The following SLC35F3 variants were observed in gnomAD, a reference collection of about 807,000 sequenced individuals.
The protein encoded by SLC35F3 is solute carrier family 35 member F3.
In SLC35F3, 25 loss-of-function variants were observed where a neutral mutation model predicts 49.9. That is an observed-to-expected ratio of 0.50 (90% CI 0.37 to 0.70). The LOEUF is 0.70. Among genes scored for constraint, SLC35F3 ranks in the 30% least tolerant of loss-of-function variants. The probability of loss-of-function intolerance (pLI) is 0.00; values close to 1 mark genes in which losing one functional copy is unlikely to be tolerated. For missense variants in SLC35F3, 525 were observed against 639.8 expected, an observed-to-expected ratio of 0.82 and a Z score of 1.94; for synonymous variants, 275 against 265.4, an observed-to-expected ratio of 1.04 and a Z score of -0.35.
At chr1:233,947,526 C>G (rs113509902) in intron 2 of SLC35F3, among the ~76,000 whole-genome samples, 5,417 of 150,716 alleles carry the variant, frequency 0.036, 296 homozygotes, top group African/African-American at 0.12. Flanking sequence ...AGTCTCAGTG[C>G]TTTGCATTGA....
intron 2 of SLC35F3, among the ~76,000 whole-genome samples, chr1:234,036,640 C>T (rs1282888247): frequency 1.4e-4 from 21 of 152,230 alleles, no homozygotes; most frequent in Admixed American, 1.1e-3. Context: ...CACAACTATT[C>T]AGCTCCAGTC....
At chr1:233,924,867 T>A (rs1366403756) in intron 2 of SLC35F3, among the ~76,000 whole-genome samples, 5 of 152,256 alleles carry the variant, frequency 3.3e-5, no homozygotes, top group Non-Finnish European at 7.3e-5. Flanking sequence ...AACATCTGTA[T>A]TTCTGCCTTC....
chr1:234,185,894 C>G (rs910256094), intron 2 of SLC35F3, among the ~76,000 whole-genome samples: 1 of 152,174 alleles, frequency 6.6e-6, no homozygotes, highest in African/African-American at 2.4e-5. Context: ...AAATTCTAAC[C>G]ATTTTTTTAT....
At chr1:234,148,309 G>A (rs1485257279) in intron 2 of SLC35F3, among the ~76,000 whole-genome samples, 1 of 152,164 alleles carries the variant, frequency 6.6e-6, no homozygotes, top group Non-Finnish European at 1.5e-5. Flanking sequence ...AGACTTTTCA[G>A]CCATTTCTCA....
chr1:233,946,910 A>G (rs1214550248), intron 2 of SLC35F3, among the ~76,000 whole-genome samples: 2 of 152,232 alleles, frequency 1.3e-5, no homozygotes, highest in African/African-American at 4.8e-5. Context: ...AATGTCACTC[A>G]TCCCTTCTGG....
intron 3 of SLC35F3, among the ~76,000 whole-genome samples, chr1:234,267,529 C>T (rs1278336885): frequency 8.1e-5 from 12 of 148,272 alleles, no homozygotes; most frequent in South Asian, 2.1e-4. Context: ...ACCTCCCTCC[C>T]GGACGGGGCG....
chr1:234,135,011 C>A (rs565485789), intron 2 of SLC35F3, among the ~76,000 whole-genome samples: 1 of 152,306 alleles, frequency 6.6e-6, no homozygotes, highest in South Asian at 2.1e-4. Context: ...TGAGCCACCA[C>A]GCCCAGCCAG....
intron 6 of SLC35F3, 125 bp from the exon 7 acceptor site, chr1:234,319,973 C>A: frequency 1.5e-6 from 1 of 676,310 alleles, no homozygotes; most frequent in South Asian, 1.7e-5. Flanking sequence ...TGAATCAGAG[C>A]AGAGGGTCAT....
intron 3 of SLC35F3, among the ~76,000 whole-genome samples, chr1:234,252,078 CT>C (rs766577247): frequency 4.4e-4 from 64 of 146,902 alleles, no homozygotes; most frequent in South Asian, 8.6e-4. Flanking sequence ...AATTAAACTA[CT>C]TTTTTTTTTT....
intron 2 of SLC35F3, among the ~76,000 whole-genome samples, chr1:234,169,937 T>C (rs900479386): frequency 3.9e-5 from 6 of 152,062 alleles, no homozygotes; most frequent in Non-Finnish European, 5.9e-5. Context: ...CAGGCAACTT[T>C]TTTGTATTTT....
At chr1:234,225,494 A>G (rs1026712408) in intron 2 of SLC35F3, among the ~76,000 whole-genome samples, 1 of 152,198 alleles carries the variant, frequency 6.6e-6, no homozygotes, top group Non-Finnish European at 1.5e-5. Flanking sequence ...CTGGAACTCT[A>G]GTTTCCAGAG....
chr1:234,128,900 G>C (rs1315202167), intron 2 of SLC35F3, among the ~76,000 whole-genome samples: 1 of 152,180 alleles, frequency 6.6e-6, no homozygotes, highest in Non-Finnish European at 1.5e-5. Context: ...AGGTAATTGA[G>C]CAAGTAAAAA....
Position 233,979,876 on chromosome 1 carries a change from G to A in SLC35F3, c.283+74118G>A, listed in dbSNP as rs190738256. On this transcript the variant is annotated intron_variant, in intron 2 of 7. Coordinates refer to ENST00000366618, the MANE Select transcript of SLC35F3 (RefSeq NM_173508.4). The stretch of plus-strand genomic sequence containing the variant: ...CGTCGTTTGATAGGTGAGGGAGCCC[G>A]TGGTCGTGATGGCATAAGTCTTGTC... 2.3e-3 allele frequency among the ~76,000 whole-genome samples: 344 copies of A among 152,298 alleles called. 1 individual carries two copies. Among genetic ancestry groups the A allele is most frequent in the Middle Eastern group, 0.017 (5 of 294 alleles).
chr1:234,232,274 G>C (rs1471058458), intron 3 of SLC35F3, among the ~76,000 whole-genome samples: 2 of 152,120 alleles, frequency 1.3e-5, no homozygotes, highest in Non-Finnish European at 2.9e-5. Context: ...GCAGTGTCTG[G>C]ACTTTGTTGA....
chr1:234,043,075 A>T (rs1361847432), intron 2 of SLC35F3, among the ~76,000 whole-genome samples: 2 of 152,200 alleles, frequency 1.3e-5, no homozygotes, highest in Non-Finnish European at 2.9e-5. Context: ...AAATGCAAAT[A>T]TTTTGTTGTA....
intron 2 of SLC35F3, among the ~76,000 whole-genome samples, chr1:234,167,334 G>A (rs1418332238): frequency 6.6e-6 from 1 of 152,180 alleles, no homozygotes; most frequent in Non-Finnish European, 1.5e-5. Flanking sequence ...GAGAAGCCAA[G>A]GAAATGCCTA....
At chr1:234,248,318 G>A (rs1667678409) in intron 3 of SLC35F3, among the ~76,000 whole-genome samples, 2 of 141,498 alleles carry the variant, frequency 1.4e-5, no homozygotes, top group Non-Finnish European at 1.5e-5. Flanking sequence ...TCCATTGTTT[G>A]GTGGGTTGGT....
chr1:234,267,481 G>A (rs1444812285), intron 3 of SLC35F3, among the ~76,000 whole-genome samples: 19 of 145,646 alleles, frequency 1.3e-4, no homozygotes, highest in Admixed American at 1.1e-3. Context: ...CTCACCTCCC[G>A]GATGGGGCGG....
At chr1:234,285,110 T>C (rs1420583158) in intron 3 of SLC35F3, 1 of 276,168 alleles carries the variant, frequency 3.6e-6, no homozygotes, top group Non-Finnish European at 7.0e-6. Flanking sequence ...GAACTCAGTC[T>C]CCTTGGCAAA....
Sources: gnomAD v4.1 joint callset for allele counts (sites outside exome capture counted in the v4.1 genomes callset) on GRCh38, gnomAD v4.1.1 for gene constraint, MANE v1.5 for transcripts, NCBI Gene and HGNC (gene_info 2026-07-23, HGNC 2026-07-21) for gene names.